Variants in ADK observed in about 807,000 individuals in gnomAD.
ADK encodes adenosine kinase, also known as N6,N6-dimethyladenosine kinase.
In ADK, 24 loss-of-function variants were observed where a neutral mutation model predicts 44.7. The ratio of observed to expected loss-of-function variants is 0.54; its 90% CI spans 0.39 to 0.76. The LOEUF (loss-of-function observed/expected upper bound fraction) is 0.76. ADK is among the 30% of genes least tolerant of loss of function. The probability of loss-of-function intolerance (pLI) is 0.00; values close to 1 mark genes in which losing one functional copy is unlikely to be tolerated. For missense variants in ADK, 321 were observed against 425.1 expected, an observed-to-expected ratio of 0.76 and a Z score of 2.15; for synonymous variants, 128 against 142.6, an observed-to-expected ratio of 0.90 and a Z score of 0.73.
At chr10:74,410,550 T>C (rs1844135085) in intron 6 of ADK, among the ~76,000 whole-genome samples, 1 of 151,944 alleles carries the variant, frequency 6.6e-6, no homozygotes, top group Non-Finnish European at 1.5e-5. Context: ...ATCATGGTGG[T>C]GCATTCCTTA....
At chr10:74,474,425 A>G (rs1846733925) in intron 6 of ADK, among the ~76,000 whole-genome samples, 1 of 152,092 alleles carries the variant, frequency 6.6e-6, no homozygotes, top group African/African-American at 2.4e-5. Flanking sequence ...TTACAAATTC[A>G]GTAGTCTTTT....
At chr10:74,332,069 G>C (rs913401973) in intron 4 of ADK, among the ~76,000 whole-genome samples, 2 of 152,020 alleles carry the variant, frequency 1.3e-5, no homozygotes, top group African/African-American at 2.4e-5. Flanking sequence ...TGTTGACCAG[G>C]CTGGTATTAA....
intron 3 of ADK, among the ~76,000 whole-genome samples, chr10:74,312,761 A>G (rs1840480462): frequency 6.6e-6 from 1 of 150,572 alleles, no homozygotes; most frequent in Admixed American, 6.6e-5. Flanking sequence ...AAATACAAAA[A>G]AAATTAGCCA....
intron 3 of ADK, among the ~76,000 whole-genome samples, chr10:74,282,127 G>T (rs1846964803): frequency 6.6e-6 from 1 of 152,178 alleles, no homozygotes; most frequent in Non-Finnish European, 1.5e-5. Flanking sequence ...CAGTTTAAAA[G>T]ATTGTTTTAT....
intron 4 of ADK, among the ~76,000 whole-genome samples, chr10:74,372,794 A>C (rs1842702991): frequency 6.6e-6 from 1 of 152,172 alleles, no homozygotes; most frequent in Admixed American, 6.5e-5. Context: ...ATCTAAAATA[A>C]ATTTCCTACT....
Position 74,222,983 on chromosome 10 carries a change from C to T in ADK, c.141-1555C>T, listed in dbSNP as rs534598123. ...ATATGCAACTAACCTGCACAATGTG[C>T]ACATGTACCCTAAAACTTAAAGTAT... is the stretch of plus-strand genomic sequence containing the variant. On this transcript the variant is annotated intron_variant, in intron 2 of 10. Transcript: ENST00000539909. 7.8e-4 allele frequency among the ~76,000 whole-genome samples: 118 copies of T among 151,898 alleles called. No individual in the cohort carries two copies. In the Middle Eastern group the frequency reaches 0.017, roughly 22 times the overall value.
At chr10:74,575,052 C>T (rs953236260) in intron 7 of ADK, among the ~76,000 whole-genome samples, 1 of 152,074 alleles carries the variant, frequency 6.6e-6, no homozygotes, top group Non-Finnish European at 1.5e-5. Context: ...AATATTCAGA[C>T]CACTAAAGTC....
chr10:74,323,606 T>G (rs895668573), intron 4 of ADK, among the ~76,000 whole-genome samples: 1 of 151,438 alleles, frequency 6.6e-6, no homozygotes, highest in African/African-American at 2.4e-5. Context: ...AGTCTCGCAC[T>G]GTCGTCCAGG....
chr10:74,599,473 G>A (rs943836049), intron 8 of ADK, among the ~76,000 whole-genome samples: 3 of 152,004 alleles, frequency 2.0e-5, no homozygotes, highest in African/African-American at 4.8e-5. Context: ...CTATATTTCC[G>A]CTCTGATAGG....
intron 6 of ADK, among the ~76,000 whole-genome samples, chr10:74,486,184 G>T (rs1425246487): frequency 6.6e-6 from 1 of 152,086 alleles, no homozygotes; most frequent in East Asian, 1.9e-4. Flanking sequence ...GAGATCTGAT[G>T]ATATTATAAG....
intron 4 of ADK, among the ~76,000 whole-genome samples, chr10:74,324,786 A>G (rs1592048885): frequency 6.6e-6 from 1 of 152,310 alleles, no homozygotes; most frequent in Non-Finnish European, 1.5e-5. Flanking sequence ...GCTGGATCAC[A>G]TGTTGTACCG....
intron 9 of ADK, among the ~76,000 whole-genome samples, chr10:74,667,965 G>T (rs1423406098): frequency 6.6e-6 from 1 of 152,154 alleles, no homozygotes; most frequent in Non-Finnish European, 1.5e-5. Context: ...GGAATTCTAT[G>T]TAATTTTGGT....
At chr10:74,174,075 G>A (rs532292244) in intron 1 of ADK, among the ~76,000 whole-genome samples, 38 of 151,866 alleles carry the variant, frequency 2.5e-4, no homozygotes, top group South Asian at 1.5e-3. Flanking sequence ...GGCTGAGGTG[G>A]GCGGATCACT....
rs551956717 is a variant in ADK at position 74,498,576 on chromosome 10, G to A, written c.556-26680G>A. On this transcript the variant is annotated intron_variant, in intron 6 of 10. Coordinates refer to ENST00000539909, the MANE Select transcript of ADK (RefSeq NM_006721.4). ...GTTTTAGGGTACATGTGCACAACGTGCAGGTTAGTTACATATGTATACATG... is the reference window on the plus strand; with the variant it reads ...GTTTTAGGGTACATGTGCACAACGTACAGGTTAGTTACATATGTATACATG... Among the ~76,000 whole-genome samples, 202 of 152,242 alleles carry A rather than the reference G, an allele frequency of 1.3e-3. 1 individual carries two copies. The highest frequency in any genetic ancestry group is 2.1e-3 in the South Asian group (10 of 4,816).
At chr10:74,273,937 A>C (rs892206564) in intron 3 of ADK, among the ~76,000 whole-genome samples, 1 of 152,122 alleles carries the variant, frequency 6.6e-6, no homozygotes, top group African/African-American at 2.4e-5. Flanking sequence ...TTTTCTTAGG[A>C]GGTCTGTGGC....
At chr10:74,687,313 T>C (rs1379073282) in intron 10 of ADK, among the ~76,000 whole-genome samples, 1 of 152,260 alleles carries the variant, frequency 6.6e-6, no homozygotes, top group Non-Finnish European at 1.5e-5. Context: ...TGCGTCTTAC[T>C]GTCTCACAGT....
At chr10:74,433,416 C>T (rs1170070077) in intron 6 of ADK, among the ~76,000 whole-genome samples, 1 of 152,148 alleles carries the variant, frequency 6.6e-6, no homozygotes, top group Non-Finnish European at 1.5e-5. Context: ...GCTGTAGATA[C>T]TTATCTGCCT....
intron 3 of ADK, among the ~76,000 whole-genome samples, chr10:74,275,646 A>G (rs1447775990): frequency 6.6e-6 from 1 of 152,026 alleles, no homozygotes; most frequent in African/African-American, 2.4e-5. Flanking sequence ...CAACTTAGAA[A>G]CATTCTTTTC....
intron 9 of ADK, among the ~76,000 whole-genome samples, chr10:74,607,422 C>T (rs192540233): frequency 0.011 from 1,666 of 152,202 alleles, 28 homozygotes; most frequent in African/African-American, 0.038. Context: ...GTAAGGCAGG[C>T]CTGGTGGTGA....
Sources: allele counts gnomAD v4.1 joint callset (sites outside exome capture counted in the v4.1 genomes callset), GRCh38; gene constraint gnomAD v4.1.1; transcripts MANE v1.5; gene names NCBI Gene and HGNC (gene_info 2026-07-23, HGNC 2026-07-21).